The following RIMBP2 variants were observed in gnomAD, a reference collection of about 807,000 sequenced individuals.
RIMBP2 encodes RIMS binding protein 2, also known as RIMS-binding protein 2.
In RIMBP2, 48 loss-of-function variants were observed where a neutral mutation model predicts 118.6. That is an observed-to-expected ratio of 0.40 (90% CI 0.32 to 0.51). The LOEUF (loss-of-function observed/expected upper bound fraction) is 0.51. Ranked by LOEUF, RIMBP2 falls within the 20% of genes least tolerant of loss-of-function variation. The pLI is 0.41. For missense variants in RIMBP2, 1,551 were observed against 1,768.3 expected (o/e 0.88, Z 2.20); for synonymous variants, 762 against 742.9 (o/e 1.03, Z -0.42).
rs763799039 is a variant in RIMBP2, at chr12:130,446,267, T to C, written c.582-998A>G. 9.8e-5 allele frequency among the ~76,000 whole-genome samples: 15 copies of C among 152,328 alleles called. No homozygotes were observed. Among genetic ancestry groups the C allele is most frequent in the South Asian group, 2.1e-4 (1 of 4,828 alleles). On this transcript the variant is annotated intron_variant, in intron 9 of 22. Coordinates refer to ENST00000690449, the MANE Select transcript of RIMBP2 (RefSeq NM_001393629.1). This position sits in a 1 kb window ranked among gnomAD's most constrained non-coding sequence, Gnocchi z 4.1. ...AGACACTGTAATATTATAATTATGA[T>C]ATGAAAATGATTCATGCATCAGTGG...
At chr12:130,414,013 G>A (rs1457215421) in intron 18 of RIMBP2, 112 bp downstream of exon 18, 33 of 1,167,704 alleles carry the variant, frequency 2.8e-5, no homozygotes, top group Non-Finnish European at 4.1e-5. Context: ...CTCGCCCATG[G>A]CCTGCAGGAG....
intron 1 of RIMBP2, among the ~76,000 whole-genome samples, chr12:130,679,319 A>G (rs549245946): frequency 6.6e-6 from 1 of 152,364 alleles, no homozygotes; most frequent in Admixed American, 6.5e-5. Context: ...ACCAAAAGTC[A>G]CTGGCCCCAT....
chr12:130,679,266 G>A (rs1293158150), intron 1 of RIMBP2, among the ~76,000 whole-genome samples: 1 of 152,190 alleles, frequency 6.6e-6, no homozygotes, highest in Non-Finnish European at 1.5e-5. Flanking sequence ...CCAGTTCGCT[G>A]GATTTGACTA....
intron 2 of RIMBP2, among the ~76,000 whole-genome samples, chr12:130,533,748 T>C (rs1415950309): frequency 1.3e-5 from 2 of 152,212 alleles, no homozygotes; most frequent in African/African-American, 4.8e-5. Flanking sequence ...TGAAATTATG[T>C]CTTTTACAGC....
intron 2 of RIMBP2, among the ~76,000 whole-genome samples, chr12:130,611,399 T>C (rs983539316): frequency 6.6e-6 from 1 of 152,210 alleles, no homozygotes; most frequent in African/African-American, 2.4e-5. Flanking sequence ...TGCAGGATAT[T>C]GGGGGCCCTT....
chr12:130,562,129 T>C (rs2056868241), intron 2 of RIMBP2, among the ~76,000 whole-genome samples: 1 of 152,224 alleles, frequency 6.6e-6, no homozygotes, highest in African/African-American at 2.4e-5. Flanking sequence ...TATCCATCAC[T>C]CTTTTAGTGC....
intron 1 of RIMBP2, among the ~76,000 whole-genome samples, chr12:130,698,392 G>A (rs2065677076): frequency 6.6e-6 from 1 of 152,156 alleles, no homozygotes; most frequent in Admixed American, 6.5e-5. Flanking sequence ...CACATGACCT[G>A]TCAGGAAGGG....
At chr12:130,472,938 C>T (rs1311048640) in intron 5 of RIMBP2, among the ~76,000 whole-genome samples, 1 of 152,038 alleles carries the variant, frequency 6.6e-6, no homozygotes, top group Non-Finnish European at 1.5e-5. Context: ...CAAAAACCAG[C>T]AAGAGCAACA....
chr12:130,451,256 A>G lies in RIMBP2; in HGVS notation c.443T>C (p.Leu148Pro). 6.2e-7 allele frequency: 1 copy of G among 1,614,202 alleles called. No individual in the cohort carries two copies. Among genetic ancestry groups the G allele is most frequent in the Non-Finnish European group, 8.5e-7 (1 of 1,180,022 alleles). The change falls in exon 8 of 23, where the codon CTG becomes CCG. Residue 148 changes from leucine to proline, a missense_variant. This residue lies in a region of RIMBP2 where 239 missense variants were observed against 256.8 expected (regional missense o/e 0.93). Coordinates refer to ENST00000690449, the MANE Select transcript of RIMBP2 (RefSeq NM_001393629.1). ...CGACAGGAAGGTGGGCTTGGCGGAC[A>G]GAGGCTCCGGCCTGTCACCAGGCTG... ...LPQPGDRPEP[L>P]SAKPTFLSRS... is the part of the protein sequence containing the mutation.
intron 2 of RIMBP2, among the ~76,000 whole-genome samples, chr12:130,601,026 T>C (rs60179440): frequency 0.4 from 61,185 of 151,870 alleles, 13,099 homozygotes; most frequent in African/African-American, 0.54. Context: ...CACCCTTCAT[T>C]TCCTGCCAGG....
intron 1 of RIMBP2, among the ~76,000 whole-genome samples, chr12:130,648,930 C>A (rs112476477): frequency 1.4e-4 from 21 of 145,940 alleles, no homozygotes; most frequent in African/African-American, 4.9e-4. Flanking sequence ...TGCTGGGATT[C>A]CAGGCGTGAG....
intron 1 of RIMBP2, among the ~76,000 whole-genome samples, chr12:130,649,241 C>T (rs902386218): frequency 1.4e-5 from 2 of 147,942 alleles, no homozygotes; most frequent in Non-Finnish European, 3.1e-5. Flanking sequence ...CCAAGTAAGG[C>T]GCTGGAATGT....
At position 130,523,679 on chromosome 12, in the gene RIMBP2, T is replaced by TCCA. The variant is rs1213441352; in HGVS notation, c.-216-5765_-216-5763dup. 1.3e-5 allele frequency among the ~76,000 whole-genome samples: 2 copies of TCCA among 152,148 alleles called. No homozygotes were observed. The highest frequency in any genetic ancestry group is 2.9e-5 in the Non-Finnish European group (2 of 68,010). The stretch of plus-strand genomic sequence containing the variant: ...CAATTTTATTCATTTCAATAATCCC[T>TCCA]CCACCACCACCACTGAGTGTGTATG... On this transcript the variant is annotated intron_variant, in intron 2 of 22. Transcript: ENST00000690449. This position sits in a 1 kb window ranked among gnomAD's most constrained non-coding sequence, Gnocchi z 4.4.
At chr12:130,561,275 A>G (rs953464811) in intron 2 of RIMBP2, among the ~76,000 whole-genome samples, 7 of 152,194 alleles carry the variant, frequency 4.6e-5, no homozygotes, top group Non-Finnish European at 8.8e-5. Context: ...GTCCTTTGTC[A>G]TGGCAGCACT....
intron 1 of RIMBP2, chr12:130,658,458 C>G (rs530441888): frequency 6.6e-6 from 1 of 152,074 alleles, no homozygotes; most frequent in South Asian, 2.1e-4. Context: ...GTGGGGAACA[C>G]GCAGCCATTT....
chr12:130,714,144 A>C (rs1950161244), intron 1 of RIMBP2, among the ~76,000 whole-genome samples: 1 of 152,224 alleles, frequency 6.6e-6, no homozygotes, highest in African/African-American at 2.4e-5. Flanking sequence ...CAGGGGGTGG[A>C]TTTGAAATGG....
chr12:130,473,735 G>A (rs984871948), intron 5 of RIMBP2, among the ~76,000 whole-genome samples: 2 of 152,184 alleles, frequency 1.3e-5, no homozygotes, highest in East Asian at 1.9e-4. Flanking sequence ...TACTCCAGGA[G>A]CACACAGGAT....
chr12:130,701,157 T>C (rs2632598), intron 1 of RIMBP2, among the ~76,000 whole-genome samples: 43,808 of 152,032 alleles, frequency 0.29, 7,189 homozygotes, highest in African/African-American at 0.43. Flanking sequence ...GGTTCAGCTG[T>C]AGACAGGGAG....
intron 4 of RIMBP2, among the ~76,000 whole-genome samples, chr12:130,486,876 T>C (rs1462424221): frequency 6.7e-6 from 1 of 148,620 alleles, no homozygotes; most frequent in Non-Finnish European, 1.5e-5. Context: ...TCCTCTCCCC[T>C]GGACCATAAC....
Sources: gnomAD v4.1 joint callset for allele counts (sites outside exome capture counted in the v4.1 genomes callset) on GRCh38, gnomAD v4.1.1 for gene constraint, gnomAD v4.1.1 regional missense constraint, Gnocchi (gnomAD v3.1) non-coding constraint, MANE v1.5 for transcripts, NCBI Gene and HGNC (gene_info 2026-07-23, HGNC 2026-07-21) for gene names.